Variants in PKHD1L1 observed in about 807,000 individuals in gnomAD.
The protein encoded by PKHD1L1 is PKHD1 like 1, also known as fibrocystin-L.
PKHD1L1 carries 434 observed loss-of-function variants against 462.9 expected under a neutral mutation model. That is an observed-to-expected ratio of 0.94 (90% CI 0.87 to 1.02). PKHD1L1 has a LOEUF of 1.02. Ranked by LOEUF, PKHD1L1 falls within the 50% of genes least tolerant of loss-of-function variation. The pLI, the probability that PKHD1L1 is intolerant of heterozygous loss-of-function variation, is 0.00. For missense variants in PKHD1L1, 5,202 were observed against 5,096.1 expected, an observed-to-expected ratio of 1.02 and a Z score of -0.63; for synonymous variants, 1,781 against 1,750.0, an observed-to-expected ratio of 1.02 and a Z score of -0.44.
At position 109,461,822 on chromosome 8, in the gene PKHD1L1, G is replaced by C; in HGVS notation, c.7297G>C (p.Gly2433Arg). The change falls in exon 48 of 78, where the codon GGA becomes CGA. Residue 2433 changes from glycine to arginine, a missense_variant. Physicochemically the swap from Gly to Arg is moderately radical, Grantham distance 125 (BLOSUM62 -2). Transcript: ENST00000378402. ...CLQGKFGEEI[G>R]SDQFGGCVMF... ...CCAAGGAAAGTTTGGAGAAGAAATAGGAAGTGACCAATTTGGAGGCTGCGT... is the reference window on the plus strand; with the variant it reads ...CCAAGGAAAGTTTGGAGAAGAAATACGAAGTGACCAATTTGGAGGCTGCGT... 1.2e-6 allele frequency: 2 copies of C among 1,609,030 alleles called. No homozygotes were observed. Among genetic ancestry groups the C allele is most frequent in the African/African-American group, 2.7e-5 (2 of 74,926 alleles).
chr8:109,534,715 T>C lies in PKHD1L1; in HGVS notation c.*4625T>C, dbSNP rs1821111961. ...TGTGTAAGACCAAATAGGAAAAGTC[T>C]GCCACAGGGGACACAGTAGGTACTT... On this transcript the variant is annotated 3_prime_UTR_variant, in exon 78 of 78. Transcript: ENST00000378402. Among the ~76,000 whole-genome samples, 1 of 152,202 alleles carries C rather than the reference T, an allele frequency of 6.6e-6. No individual in the cohort carries two copies. Among genetic ancestry groups the C allele is most frequent in the Non-Finnish European group, 1.5e-5 (1 of 68,030 alleles).
In PKHD1L1 at chr8:109,483,031, T is replaced by C; in HGVS notation, c.9502T>C (p.Tyr3168His). 2.5e-6 allele frequency: 4 copies of C among 1,600,124 alleles called. No individual in the cohort carries two copies. Among genetic ancestry groups the C allele is most frequent in the Non-Finnish European group, 3.4e-6 (4 of 1,173,304 alleles). Residue 3168 changes from tyrosine (Y) to histidine (H), a missense_variant, in exon 57 of 78, where the codon TAT (tyrosine) becomes CAT (histidine). By Grantham distance (83) the Tyr-to-His change is moderately conservative. This residue lies in a region of PKHD1L1 where 4,497 missense variants were observed against 4,336.8 expected (regional missense o/e 1.04). Coordinates refer to ENST00000378402, the MANE Select transcript of PKHD1L1 (RefSeq NM_177531.6). ...LDLHGIPHSI[Y>H]KTKLSETAFA... The stretch of plus-strand genomic sequence containing the variant: ...TCTTCATGGAATTCCACATTCAATA[T>C]ATAAAACTAAGCTCTCAGAAACTGC...
rs1348892214 is a variant in PKHD1L1 at position 109,533,061 on chromosome 8, T to C, written c.*2971T>C. Among the ~76,000 whole-genome samples the C allele has an allele frequency of 6.6e-6, 1 of 152,232 alleles. No individual in the cohort carries two copies. The highest frequency in any genetic ancestry group is 1.9e-4 in the East Asian group (1 of 5,198). ...TTCACAGAGCTACTAATGGTAAAGC[T>C]GGGATTCAAACACAGACAATTTAAC... On this transcript the variant is annotated 3_prime_UTR_variant, in exon 78 of 78. Coordinates refer to ENST00000378402, the MANE Select transcript of PKHD1L1 (RefSeq NM_177531.6).
intron 6 of PKHD1L1, among the ~76,000 whole-genome samples, chr8:109,388,265 A>G (rs914076503): frequency 1.3e-5 from 2 of 152,100 alleles, no homozygotes; most frequent in African/African-American, 4.8e-5. Flanking sequence ...TCAGCTCCCC[A>G]AGGGCAACAA....
In PKHD1L1 at chr8:109,401,530, A is replaced by C; in HGVS notation, c.1315A>C (p.Ser439Arg). 6.3e-7 allele frequency: 1 copy of C among 1,595,644 alleles called. No individual in the cohort carries two copies. The highest frequency in any genetic ancestry group is 8.6e-7 in the Non-Finnish European group (1 of 1,164,780). Reference sequence around the variant, plus strand: ...TGCATATCATTCTGCTAATGCCAACAGTTATTTTTCCAGTCCAACACAAAG... The same window carrying C: ...TGCATATCATTCTGCTAATGCCAACCGTTATTTTTCCAGTCCAACACAAAG... Reference protein sequence around the residue: ...RIAYHSANANSYFSSPTQRSD... With the variant: ...RIAYHSANANRYFSSPTQRSD... Residue 439 changes from serine to arginine, a missense_variant, in exon 14 of 78, where the codon AGT becomes CGT. This residue lies in a region of PKHD1L1 where 4,497 missense variants were observed against 4,336.8 expected (regional missense o/e 1.04). Coordinates refer to ENST00000378402, the MANE Select transcript of PKHD1L1 (RefSeq NM_177531.6).
At chr8:109,392,184 A>G (rs1812743371) in intron 9 of PKHD1L1, among the ~76,000 whole-genome samples, 1 of 151,966 alleles carries the variant, frequency 6.6e-6, no homozygotes, top group East Asian at 1.9e-4. Context: ...TTTGAACTAC[A>G]TATGATTTTT....
chr8:109,505,771 G>T (rs1393068449), intron 68 of PKHD1L1, among the ~76,000 whole-genome samples: 1 of 151,970 alleles, frequency 6.6e-6, no homozygotes, highest in Non-Finnish European at 1.5e-5. Flanking sequence ...TGGGTGTGGT[G>T]GTGTACACCT....
intron 44 of PKHD1L1, 56 bp from the exon 45 acceptor site, chr8:109,454,667 G>A (rs1372027525): frequency 6.3e-7 from 1 of 1,595,658 alleles, no homozygotes; most frequent in African/African-American, 1.3e-5. Flanking sequence ...TGTGTGATTA[G>A]AATTGTGGAT....
In PKHD1L1 at chr8:109,535,249, G is replaced by A. The variant is rs1291734505; in HGVS notation, c.*5159G>A. On this transcript the variant is annotated 3_prime_UTR_variant, in exon 78 of 78. Transcript: ENST00000378402. ...GTGCAAGATATTTATGACTGTGCCTGGCTACATGGCAATAGTATTTTCCTT... is the reference window on the plus strand; with the variant it reads ...GTGCAAGATATTTATGACTGTGCCTAGCTACATGGCAATAGTATTTTCCTT... Among the ~76,000 whole-genome samples, 5 of 151,966 alleles carry A rather than the reference G, an allele frequency of 3.3e-5. No individual in the cohort carries two copies. Among genetic ancestry groups the A allele is most frequent in the Non-Finnish European group, 7.4e-5 (5 of 68,010 alleles).
intron 18 of PKHD1L1, 118 bp from the exon 19 acceptor site, chr8:109,409,746 TA>T: frequency 2.0e-6 from 1 of 507,772 alleles, no homozygotes. Flanking sequence ...TAATCATGAC[TA>T]AAATATGGGA....
At chr8:109,363,076 G>C (rs1412202718) in intron 1 of PKHD1L1, among the ~76,000 whole-genome samples, 2 of 152,174 alleles carry the variant, frequency 1.3e-5, no homozygotes. Context: ...AGTAGGACGG[G>C]GATGGGACTT....
chr8:109,507,961 T>G (rs970134996), intron 69 of PKHD1L1, 66 bp downstream of exon 69: 2 of 1,556,232 alleles, frequency 1.3e-6, no homozygotes, highest in African/African-American at 2.7e-5. Context: ...TGTTTTATTT[T>G]TAATGACTTG....
At chr8:109,471,285 C>A (rs1817702762) in intron 50 of PKHD1L1, among the ~76,000 whole-genome samples, 2 of 151,978 alleles carry the variant, frequency 1.3e-5, no homozygotes, top group South Asian at 2.1e-4. Context: ...CATGTGAGAT[C>A]GTTTTCATTT....
intron 76 of PKHD1L1, 61 bp downstream of exon 76, chr8:109,523,447 C>T: frequency 7.0e-7 from 1 of 1,433,820 alleles, no homozygotes; most frequent in Non-Finnish European, 9.5e-7. Context: ...TTATAATGTT[C>T]TTTTAATGAA....
rs1336341704 is a variant in PKHD1L1, at chr8:109,491,765, T to TA, written c.10115-107dup. On this transcript the variant is annotated intron_variant, in intron 61 of 77. Transcript: ENST00000378402. Reference sequence around the variant, plus strand: ...AGAGGATTGTTTGTCAGGCTCAAAGTAGAAAAATAATTTTATGGAAAAATC... The same window carrying TA: ...AGAGGATTGTTTGTCAGGCTCAAAGTAAGAAAAATAATTTTATGGAAAAATC... The TA allele has an allele frequency of 3.7e-6, 4 of 1,091,724 alleles. No individual in the cohort carries two copies. In the Admixed American group the frequency reaches 1.2e-4, roughly 32 times the overall value. The allele number at this position is 1,091,724 out of a possible 1,614,324, so 67.6% of individuals were successfully genotyped here.
At position 109,438,994 on chromosome 8, in the gene PKHD1L1, C is replaced by T. The variant is rs1311298755; in HGVS notation, c.3858C>T (p.His1286=). ...YVGGKTCQIL[H]WNFTDIRCLL... Reference sequence around the variant, plus strand: ...GAGGAAAAACCTGCCAGATTCTTCACTGGAACTTCACAGATATTAGATGCC... The same window carrying T: ...GAGGAAAAACCTGCCAGATTCTTCATTGGAACTTCACAGATATTAGATGCC... The change falls in exon 32 of 78, where the codon CAC becomes CAT. Residue 1286 remains histidine (H), a synonymous_variant. Coordinates refer to ENST00000378402, the MANE Select transcript of PKHD1L1 (RefSeq NM_177531.6). 2.5e-6 allele frequency: 4 copies of T among 1,613,688 alleles called. No individual in the cohort carries two copies. The highest frequency in any genetic ancestry group is 1.7e-5 in the Admixed American group (1 of 59,994).
intron 77 of PKHD1L1, among the ~76,000 whole-genome samples, chr8:109,529,258 C>T (rs996906704): frequency 1.3e-5 from 2 of 152,202 alleles, no homozygotes; most frequent in African/African-American, 2.4e-5. Flanking sequence ...TGGAGTCCAG[C>T]GGTCAAGGGA....
chr8:109,393,393 G>T (rs1312973611), intron 9 of PKHD1L1, among the ~76,000 whole-genome samples: 1 of 151,994 alleles, frequency 6.6e-6, no homozygotes, highest in African/African-American at 2.4e-5. Context: ...CGTCTTGAAG[G>T]TAATTAAAGT....
chr8:109,364,706 C>A (rs973263978), intron 2 of PKHD1L1, 70 bp downstream of exon 2: 9 of 968,512 alleles, frequency 9.3e-6, no homozygotes, highest in Admixed American at 3.2e-5. Flanking sequence ...ATATTTAGAG[C>A]TTTATGGACA....
Sources: allele counts gnomAD v4.1 joint callset (sites outside exome capture counted in the v4.1 genomes callset), GRCh38; gene constraint gnomAD v4.1.1; regional missense constraint gnomAD v4.1.1; transcripts MANE v1.5; gene names NCBI Gene and HGNC (gene_info 2026-07-23, HGNC 2026-07-21).